TMEM184B: variants seen among roughly 807,000 people sequenced by gnomAD.
TMEM184B encodes the protein putative MAPK-activating protein FM08.
A neutral mutation model predicts 41.8 loss-of-function variants in TMEM184B; 17 were observed. The observed-to-expected ratio is 0.41, with a 90% CI of 0.28 to 0.61. The LOEUF is 0.61. Ranked by LOEUF, TMEM184B falls within the 20% of genes least tolerant of loss-of-function variation. The probability of loss-of-function intolerance (pLI) is 0.34; values close to 1 mark genes in which losing one functional copy is unlikely to be tolerated. For missense variants in TMEM184B, 393 were observed against 557.8 expected (o/e 0.70, Z 2.98); for synonymous variants, 240 against 229.5 (o/e 1.05, Z -0.41).
At chr22:38,236,626 G>A (rs1043951925) in intron 3 of TMEM184B, among the ~76,000 whole-genome samples, 1 of 152,026 alleles carries the variant, frequency 6.6e-6, no homozygotes, top group African/African-American at 2.4e-5. Context: ...TGGGACTACA[G>A]GTGTGGGCCA....
At chr22:38,250,637 G>A (rs889205341) in intron 1 of TMEM184B, among the ~76,000 whole-genome samples, 2 of 152,168 alleles carry the variant, frequency 1.3e-5, no homozygotes, top group Non-Finnish European at 2.9e-5. Flanking sequence ...GGGGAATTGT[G>A]GGGGGACCAA....
At chr22:38,258,250 T>C (rs1170902529) in intron 1 of TMEM184B, among the ~76,000 whole-genome samples, 1 of 152,068 alleles carries the variant, frequency 6.6e-6, no homozygotes, top group Non-Finnish European at 1.5e-5. Context: ...CACTGTCCTG[T>C]AGCTAAGGCT....
At chr22:38,237,263 C>T (rs959568116) in intron 3 of TMEM184B, among the ~76,000 whole-genome samples, 1 of 152,330 alleles carries the variant, frequency 6.6e-6, no homozygotes, top group Non-Finnish European at 1.5e-5. Context: ...AGACACTTAC[C>T]CCAAGAGCCC....
At chr22:38,269,809 A>T (rs73154458) in intron 1 of TMEM184B, among the ~76,000 whole-genome samples, 33,583 of 152,104 alleles carry the variant, frequency 0.22, 4,212 homozygotes, top group Middle Eastern at 0.34. Flanking sequence ...TGAGTCACAC[A>T]GGGTCTTCAA....
rs934205268 is a variant in TMEM184B, at chr22:38,234,419, C to T, written c.359-3085G>A. Among the ~76,000 whole-genome samples, 9 of 152,194 alleles carry T rather than the reference C, an allele frequency of 5.9e-5. 1 individual carries two copies. In the South Asian group the frequency reaches 6.2e-4, roughly 11 times the overall value. On this transcript the variant is annotated intron_variant, in intron 3 of 8. Coordinates refer to ENST00000361906, the MANE Select transcript of TMEM184B (RefSeq NM_012264.5). ...TTCAGGTGATTTGCCCCAGCCTTCACGCTCTCCTGCCAAGGCCCAGAGGTC... is the reference window on the plus strand; with the variant it reads ...TTCAGGTGATTTGCCCCAGCCTTCATGCTCTCCTGCCAAGGCCCAGAGGTC...
intron 1 of TMEM184B, among the ~76,000 whole-genome samples, chr22:38,261,209 A>C (rs939457217): frequency 6.6e-6 from 1 of 152,196 alleles, no homozygotes; most frequent in Non-Finnish European, 1.5e-5. Flanking sequence ...ACATCAGAGC[A>C]GGTCAGCAAC....
At chr22:38,262,026 G>A (rs749254807) in intron 1 of TMEM184B, among the ~76,000 whole-genome samples, 3 of 152,270 alleles carry the variant, frequency 2.0e-5, no homozygotes, top group Non-Finnish European at 4.4e-5. Flanking sequence ...CCCAATGCCT[G>A]TCCACAGGAG....
intron 1 of TMEM184B, among the ~76,000 whole-genome samples, chr22:38,251,452 T>C (rs1408709214): frequency 6.6e-6 from 1 of 152,214 alleles, no homozygotes; most frequent in Non-Finnish European, 1.5e-5. Context: ...CATAGACGCA[T>C]GGTCCCCAAT....
At chr22:38,230,906 G>A (rs945185928) in intron 4 of TMEM184B, among the ~76,000 whole-genome samples, 162 bp from the exon 5 acceptor site, 4 of 152,114 alleles carry the variant, frequency 2.6e-5, no homozygotes, top group Non-Finnish European at 5.9e-5. Context: ...GGCATGGCAG[G>A]GCATCCGCAC....
Position 38,230,573 on chromosome 22 carries a change from G to C in TMEM184B, c.525+96C>G. On this transcript the variant is annotated intron_variant, in intron 5 of 8. Transcript: ENST00000361906. ...GGGGCCTGGGGTGCCTCATAGGAAA[G>C]GGGACCTCTAAGGTGGGGCCCAGGG... 6.2e-6 allele frequency: 8 copies of C among 1,287,814 alleles called. No individual in the cohort carries two copies. In the South Asian group the frequency reaches 1.0e-4, roughly 16 times the overall value. The allele number at this position is 1,287,814 out of a possible 1,614,324, so 79.8% of individuals were successfully genotyped here. A position where few individuals can be genotyped will look rare whatever the true frequency, so the allele number is the denominator to read the frequency against.
chr22:38,232,860 C>A (rs1569024023), intron 3 of TMEM184B, among the ~76,000 whole-genome samples: 1 of 152,170 alleles, frequency 6.6e-6, no homozygotes, highest in Non-Finnish European at 1.5e-5. Context: ...GTTCTAGCAC[C>A]CTTCCCGCTG....
At chr22:38,252,615 C>G (rs1262914997) in intron 1 of TMEM184B, among the ~76,000 whole-genome samples, 1 of 152,100 alleles carries the variant, frequency 6.6e-6, no homozygotes, top group East Asian at 1.9e-4. Flanking sequence ...ACTACAGGAG[C>G]CTAGAGCAAG....
At position 38,226,482 on chromosome 22, in the gene TMEM184B, C is replaced by T. The variant is rs1006536534; in HGVS notation, c.617+297G>A. 1.7e-5 allele frequency: 6 copies of T among 348,362 alleles called. No individual in the cohort carries two copies. The highest frequency in any genetic ancestry group is 8.3e-5 in the African/African-American group (4 of 48,210). 21.6% of individuals were successfully genotyped at this position (348,362 alleles called of 1,614,324 possible). ...TTGAGCCGACCTCTTGGGGCTCTGACCCTCTCGCTCCCTGCCTCAGCAGTG... is the reference window on the plus strand; with the variant it reads ...TTGAGCCGACCTCTTGGGGCTCTGATCCTCTCGCTCCCTGCCTCAGCAGTG... On this transcript the variant is annotated intron_variant, in intron 6 of 8. Coordinates refer to ENST00000361906, the MANE Select transcript of TMEM184B (RefSeq NM_012264.5). The surrounding 1 kb of genome is among the most constrained non-coding windows in gnomAD (Gnocchi z 4.6).
intron 8 of TMEM184B, among the ~76,000 whole-genome samples, chr22:38,224,365 C>T (rs897609408): frequency 5.9e-5 from 9 of 152,294 alleles, no homozygotes; most frequent in East Asian, 3.9e-4. Context: ...CCACCCGCCT[C>T]GGCCTCCCAA....
intron 1 of TMEM184B, among the ~76,000 whole-genome samples, chr22:38,257,166 A>C (rs1259007437): frequency 6.7e-6 from 1 of 149,848 alleles, no homozygotes; most frequent in Non-Finnish European, 1.5e-5. Flanking sequence ...CTTTAAAAAG[A>C]AAAAAAAAAT....
rs562314872 is a variant in TMEM184B, at chr22:38,229,482, C to A, written c.525+1187G>T. ...AGCCAATTATCCAAGGTCACAGAGT[C>A]AGAGGAAAAGCTGGAAATCAGGCTC... On this transcript the variant is annotated intron_variant, in intron 5 of 8. Coordinates refer to ENST00000361906, the MANE Select transcript of TMEM184B (RefSeq NM_012264.5). Among the ~76,000 whole-genome samples, 8 of 152,334 alleles carry A rather than the reference C, an allele frequency of 5.3e-5. No individual in the cohort carries two copies. In the South Asian group the frequency reaches 1.7e-3, roughly 32 times the overall value.
chr22:38,219,073 G>A (rs940795722), downstream of TMEM184B, among the ~76,000 whole-genome samples: 3 of 152,208 alleles, frequency 2.0e-5, no homozygotes, highest in Non-Finnish European at 2.9e-5. Flanking sequence ...CGGCCCGGCC[G>A]TCCTGGGTTG....
At chr22:38,255,780 A>C (rs2092266997) in intron 1 of TMEM184B, among the ~76,000 whole-genome samples, 1 of 152,250 alleles carries the variant, frequency 6.6e-6, no homozygotes, top group African/African-American at 2.4e-5. Context: ...CAATCTCAAA[A>C]GGTCACATAC....
chr22:38,241,186 A>G (rs2091898392), intron 3 of TMEM184B, among the ~76,000 whole-genome samples: 1 of 152,196 alleles, frequency 6.6e-6, no homozygotes, highest in African/African-American at 2.4e-5. Context: ...GCACCAGGAG[A>G]AGCGTCACGG....
Sources: gnomAD v4.1 joint callset for allele counts (sites outside exome capture counted in the v4.1 genomes callset) on GRCh38, gnomAD v4.1.1 for gene constraint, Gnocchi (gnomAD v3.1) non-coding constraint, MANE v1.5 for transcripts, NCBI Gene and HGNC (gene_info 2026-07-23, HGNC 2026-07-21) for gene names.